EFCAB5: variants seen among roughly 807,000 people sequenced by gnomAD.
EFCAB5 encodes the protein EF-hand calcium-binding domain-containing protein 5.
In EFCAB5, 131 loss-of-function variants were observed where a neutral mutation model predicts 167.9. That is an observed-to-expected ratio of 0.78 (90% CI 0.68 to 0.90). The LOEUF is 0.90. EFCAB5 is among the 40% of genes least tolerant of loss of function. The probability of loss-of-function intolerance (pLI) is 0.00; values close to 1 mark genes in which losing one functional copy is unlikely to be tolerated. For missense variants in EFCAB5, 1,663 were observed against 1,745.2 expected (o/e 0.95, Z 0.84); for synonymous variants, 574 against 602.8 (o/e 0.95, Z 0.70).
intron 7 of EFCAB5, among the ~76,000 whole-genome samples, chr17:30,003,492 C>T (rs920361487): frequency 1.5e-4 from 23 of 151,328 alleles, no homozygotes; most frequent in African/African-American, 4.6e-4. Context: ...TTCAGCCTCC[C>T]GAAGTGCTGG....
At chr17:29,991,147 C>T (rs532962995) in intron 4 of EFCAB5, among the ~76,000 whole-genome samples, 13 of 152,298 alleles carry the variant, frequency 8.5e-5, no homozygotes, top group Non-Finnish European at 1.3e-4. Flanking sequence ...TTACTCACCA[C>T]GGGGACTGCT....
At chr17:29,985,683 C>T (rs1324769772) in intron 4 of EFCAB5, among the ~76,000 whole-genome samples, 2 of 152,154 alleles carry the variant, frequency 1.3e-5, no homozygotes, top group Non-Finnish European at 2.9e-5. Flanking sequence ...AGGCACAGAT[C>T]GCTTATGCTA....
intron 4 of EFCAB5, among the ~76,000 whole-genome samples, chr17:29,983,363 A>C (rs920832153): frequency 6.6e-6 from 1 of 152,230 alleles, no homozygotes; most frequent in Non-Finnish European, 1.5e-5. Context: ...CCAGTGTTCA[A>C]GTACTTTTCA....
At chr17:30,012,402 A>C (rs540938928) in intron 7 of EFCAB5, among the ~76,000 whole-genome samples, 14 of 152,220 alleles carry the variant, frequency 9.2e-5, no homozygotes, top group African/African-American at 3.4e-4. Context: ...TCTGCCTTCT[A>C]GATAGCAGTA....
At chr17:29,932,145 A>G (rs888860556) in intron 1 of EFCAB5, among the ~76,000 whole-genome samples, 17 of 150,808 alleles carry the variant, frequency 1.1e-4, no homozygotes, top group Non-Finnish European at 2.1e-4. Context: ...TGCAATTAAG[A>G]TAACTTTTTT....
chr17:30,063,337 C>T (rs2070476375), intron 14 of EFCAB5, among the ~76,000 whole-genome samples: 1 of 152,194 alleles, frequency 6.6e-6, no homozygotes, highest in Non-Finnish European at 1.5e-5. Flanking sequence ...TGTGTCACTA[C>T]TACACAGTGC....
chr17:30,013,424 T>A (rs2068955057), intron 7 of EFCAB5, among the ~76,000 whole-genome samples: 1 of 152,196 alleles, frequency 6.6e-6, no homozygotes, highest in Non-Finnish European at 1.5e-5. Flanking sequence ...TGTGAATCCA[T>A]CTGGTCCTGG....
chr17:30,016,978 G>A (rs2069057959), intron 7 of EFCAB5, among the ~76,000 whole-genome samples: 1 of 152,012 alleles, frequency 6.6e-6, no homozygotes, highest in African/African-American at 2.4e-5. Flanking sequence ...AGGAGTTTGA[G>A]ACCAGCCTGG....
chr17:30,093,832 C>T (rs1404702025), intron 22 of EFCAB5, among the ~76,000 whole-genome samples: 1 of 152,182 alleles, frequency 6.6e-6, no homozygotes, highest in East Asian at 1.9e-4. Flanking sequence ...GTAGGTCACC[C>T]AGATACCAAC....
intron 7 of EFCAB5, among the ~76,000 whole-genome samples, chr17:30,030,374 C>T (rs1369085065): frequency 1.3e-5 from 2 of 152,200 alleles, no homozygotes; most frequent in African/African-American, 4.8e-5. Flanking sequence ...GAGTCTCGCT[C>T]GCTCTGTTGC....
At chr17:29,953,087 G>T (rs2067545066) in intron 3 of EFCAB5, among the ~76,000 whole-genome samples, 1 of 152,110 alleles carries the variant, frequency 6.6e-6, no homozygotes, top group Non-Finnish European at 1.5e-5. Context: ...TAGGAAGAAA[G>T]GAAGTCAAAC....
intron 7 of EFCAB5, among the ~76,000 whole-genome samples, chr17:30,011,556 T>C (rs995527742): frequency 6.6e-6 from 1 of 152,332 alleles, no homozygotes; most frequent in African/African-American, 2.4e-5. Context: ...TATTTTATTC[T>C]CTTTGTAGCA....
At chr17:30,009,864 A>G (rs898961616) in intron 7 of EFCAB5, among the ~76,000 whole-genome samples, 6 of 151,800 alleles carry the variant, frequency 4.0e-5, no homozygotes, top group African/African-American at 1.4e-4. Context: ...CACAACATGC[A>G]GGTTTGTTAC....
intron 14 of EFCAB5, among the ~76,000 whole-genome samples, chr17:30,063,479 G>GC (rs998951623): frequency 1.3e-5 from 2 of 152,260 alleles, no homozygotes; most frequent in Non-Finnish European, 1.5e-5. Flanking sequence ...GCTGTGCCCT[G>GC]CCCCCCAGGG....
chr17:30,088,075 A>G (rs2071123374), intron 19 of EFCAB5, among the ~76,000 whole-genome samples: 2 of 152,146 alleles, frequency 1.3e-5, no homozygotes, highest in South Asian at 4.1e-4. Flanking sequence ...TTAAAGAAAA[A>G]TTTCTGCAGA....
At chr17:30,055,385 G>T (rs1266020227) in intron 10 of EFCAB5, among the ~76,000 whole-genome samples, 2 of 148,456 alleles carry the variant, frequency 1.3e-5, no homozygotes, top group African/African-American at 2.5e-5. Context: ...AGGAAGGAAG[G>T]TTCGTTCTCA....
intron 22 of EFCAB5, among the ~76,000 whole-genome samples, chr17:30,101,102 GC>G (rs1414742297): frequency 2.6e-5 from 4 of 152,158 alleles, no homozygotes; most frequent in Non-Finnish European, 5.9e-5. Context: ...TGATCCTCCT[GC>G]CTTGTCCTCC....
chr17:30,074,880 T>C (rs1445809517), intron 14 of EFCAB5, among the ~76,000 whole-genome samples: 2 of 152,176 alleles, frequency 1.3e-5, no homozygotes, highest in Non-Finnish European at 2.9e-5. Flanking sequence ...GGGTTCTACA[T>C]GTGCTCATTA....
chr17:30,058,828 C>T (rs1263654116), intron 13 of EFCAB5, among the ~76,000 whole-genome samples: 2 of 151,836 alleles, frequency 1.3e-5, no homozygotes, highest in African/African-American at 4.8e-5. Flanking sequence ...GTAATTATGC[C>T]ACTCTATTCC....
Sources: allele counts gnomAD v4.1 joint callset (sites outside exome capture counted in the v4.1 genomes callset), GRCh38; gene constraint gnomAD v4.1.1; transcripts MANE v1.5; gene names NCBI Gene and HGNC (gene_info 2026-07-23, HGNC 2026-07-21).